Variants in IFT81 observed in about 807,000 individuals in gnomAD.
IFT81 encodes intraflagellar transport 81.
In IFT81, 72 loss-of-function variants were observed where a neutral mutation model predicts 102.6. That is an observed-to-expected ratio of 0.70 (90% CI 0.58 to 0.85). IFT81 has a LOEUF of 0.85. IFT81 is among the 40% of genes least tolerant of loss of function. IFT81 has a pLI of 0.00. For missense variants in IFT81, 723 were observed against 787.3 expected (o/e 0.92, Z 0.98); for synonymous variants, 237 against 242.7 (o/e 0.98, Z 0.22).
At chr12:110,162,521 G>C (rs551061082) in intron 10 of IFT81, 2 of 160,754 alleles carry the variant, frequency 1.2e-5, no homozygotes, top group South Asian at 3.4e-4. Context: ...ATTTCTAGTA[G>C]AGATGGGTTT....
intron 14 of IFT81, among the ~76,000 whole-genome samples, chr12:110,197,259 GATA>G (rs1898044383): frequency 7.0e-6 from 1 of 142,114 alleles, no homozygotes; most frequent in Non-Finnish European, 1.6e-5. Flanking sequence ...TAGATAGATA[GATA>G]GATAGATAGA....
intron 11 of IFT81, among the ~76,000 whole-genome samples, chr12:110,173,907 T>A (rs895601241): frequency 6.6e-6 from 1 of 151,182 alleles, no homozygotes; most frequent in Non-Finnish European, 1.5e-5. Context: ...CCTCCACTAT[T>A]GTCCTATGAC....
chr12:110,158,364 A>G (rs1341577692), intron 10 of IFT81, among the ~76,000 whole-genome samples: 1 of 152,142 alleles, frequency 6.6e-6, no homozygotes, highest in Admixed American at 6.5e-5. Flanking sequence ...TACAGGCATG[A>G]GCCACTGTGC....
At chr12:110,185,300 C>T (rs1207041121) in intron 12 of IFT81, among the ~76,000 whole-genome samples, 1 of 152,196 alleles carries the variant, frequency 6.6e-6, no homozygotes. Flanking sequence ...ATTCTCCCGC[C>T]TCAGCCTCCC....
Position 110,218,132 on chromosome 12 carries a change from T to G in IFT81, c.1937T>G (p.Met646Arg). The G allele has an allele frequency of 6.2e-7, 1 of 1,600,970 alleles. No homozygotes were observed. Among genetic ancestry groups the G allele is most frequent in the Non-Finnish European group, 8.5e-7 (1 of 1,176,562 alleles). ...ATGTGGCGTGATTTGGAACAATTAA[T>G]GGAATGTAAGAAACAGTGCTTTCTG... The part of the protein sequence containing the change: ...AKMWRDLEQL[M>R]ECKKQCFLKQ... Residue 646 changes from methionine to arginine, a missense_variant, in exon 19 of 19, where the codon ATG (methionine) becomes AGG (arginine). By Grantham distance (91) the Met-to-Arg change is moderately conservative. Coordinates refer to ENST00000242591, the MANE Select transcript of IFT81 (RefSeq NM_014055.4).
At chr12:110,182,971 A>G (rs1897370018) in intron 12 of IFT81, among the ~76,000 whole-genome samples, 1 of 152,208 alleles carries the variant, frequency 6.6e-6, no homozygotes, top group Admixed American at 6.5e-5. Flanking sequence ...TGTACACCCC[A>G]TCCTAAAGGT....
Position 110,212,736 on chromosome 12 carries a change from CT to C in IFT81, c.1848+3521del, listed in dbSNP as rs1869618762. On this transcript the variant is annotated intron_variant, in intron 18 of 18. Transcript: ENST00000242591. ...CCTGTAATCCCAGCTACTCAGGAGG[CT>C]GAGGCAGGAGAATTGCTTGAACCCA... Among the ~76,000 whole-genome samples, 4 of 152,056 alleles carry C rather than the reference CT, an allele frequency of 2.6e-5. No homozygotes were observed. The South Asian group carries it at 8.3e-4, about 32-fold the overall frequency.
Position 110,124,583 on chromosome 12 carries a change from C to T in IFT81, c.-300C>T, listed in dbSNP as rs988737676. On this transcript the variant is annotated 5_prime_UTR_variant, in exon 1 of 19. Coordinates refer to ENST00000242591, the MANE Select transcript of IFT81 (RefSeq NM_014055.4). ...AAGCCCCCGGATAGGGGAATCGGGC[C>T]CCTTCTGGGATTCGAGCGGATCCAG... The T allele has an allele frequency of 1.3e-5, 2 of 152,300 alleles. No homozygotes were observed. The highest frequency in any genetic ancestry group is 4.8e-5 in the African/African-American group (2 of 41,456). The allele number at this position is 152,300 out of a possible 1,614,324, so 9.4% of individuals were successfully genotyped here. A position where few individuals can be genotyped will look rare whatever the true frequency, so the allele number is the denominator to read the frequency against.
chr12:110,156,768 A>G (rs1354060804), intron 10 of IFT81, among the ~76,000 whole-genome samples: 2 of 152,152 alleles, frequency 1.3e-5, no homozygotes, highest in Non-Finnish European at 2.9e-5. Context: ...AAGTACCAAG[A>G]TTATAGGTGT....
intron 11 of IFT81, among the ~76,000 whole-genome samples, chr12:110,166,893 C>A (rs1167757249): frequency 6.6e-6 from 1 of 151,680 alleles, no homozygotes; most frequent in African/African-American, 2.4e-5. Flanking sequence ...CCTTGATTGT[C>A]GATATGTAGT....
chr12:110,178,993 T>C (rs1446197410), intron 11 of IFT81, among the ~76,000 whole-genome samples: 2 of 151,876 alleles, frequency 1.3e-5, no homozygotes, highest in Non-Finnish European at 2.9e-5. Context: ...ATGGGGTCTT[T>C]CCATTAGAGT....
At position 110,124,592 on chromosome 12, in the gene IFT81, G is replaced by A. The variant is rs898971616; in HGVS notation, c.-291G>A. 8 of 152,338 alleles carry A rather than the reference G, an allele frequency of 5.3e-5. No homozygotes were observed. Among genetic ancestry groups the A allele is most frequent in the Non-Finnish European group, 1.0e-4 (7 of 68,156 alleles). 9.4% of individuals were successfully genotyped at this position (152,338 alleles called of 1,614,324 possible). On this transcript the variant is annotated 5_prime_UTR_variant, in exon 1 of 19. Transcript: ENST00000242591. Reference sequence around the variant, plus strand: ...GATAGGGGAATCGGGCCCCTTCTGGGATTCGAGCGGATCCAGGCCGCTCCC... The same window carrying A: ...GATAGGGGAATCGGGCCCCTTCTGGAATTCGAGCGGATCCAGGCCGCTCCC...
intron 5 of IFT81, among the ~76,000 whole-genome samples, chr12:110,133,987 G>A (rs976321539): frequency 5.9e-5 from 9 of 152,100 alleles, no homozygotes; most frequent in African/African-American, 2.2e-4. Flanking sequence ...GGGCTAGAAG[G>A]GATGAACATT....
intron 8 of IFT81, among the ~76,000 whole-genome samples, chr12:110,141,900 A>C (rs1457631311): frequency 6.6e-6 from 1 of 152,138 alleles, no homozygotes; most frequent in Non-Finnish European, 1.5e-5. Flanking sequence ...AAAACAAAAA[A>C]CATTCAAGTC....
At chr12:110,215,224 A>G (rs1165726924) in intron 18 of IFT81, among the ~76,000 whole-genome samples, 1 of 151,642 alleles carries the variant, frequency 6.6e-6, no homozygotes, top group African/African-American at 2.4e-5. Context: ...TAAAAGAGGA[A>G]AGGATGAGGT....
chr12:110,149,376 T>C (rs902042158), intron 10 of IFT81, among the ~76,000 whole-genome samples: 1 of 151,952 alleles, frequency 6.6e-6, no homozygotes, highest in African/African-American at 2.4e-5. Flanking sequence ...CCCACAGCAG[T>C]GTCTAAGGGT....
chr12:110,129,922 G>T (rs1254360680), intron 4 of IFT81, among the ~76,000 whole-genome samples: 2 of 151,270 alleles, frequency 1.3e-5, no homozygotes, highest in African/African-American at 2.4e-5. Flanking sequence ...GTGCCAAATT[G>T]TTGTGAATAG....
At chr12:110,167,257 CATTTT>C (rs1896488082) in intron 11 of IFT81, among the ~76,000 whole-genome samples, 1 of 152,104 alleles carries the variant, frequency 6.6e-6, no homozygotes, top group Admixed American at 6.6e-5. Flanking sequence ...ATCATTTTAA[CATTTT>C]ATTTTCATAA....
At chr12:110,195,204 T>C (rs1027324115) in intron 14 of IFT81, among the ~76,000 whole-genome samples, 1 of 152,186 alleles carries the variant, frequency 6.6e-6, no homozygotes, top group Non-Finnish European at 1.5e-5. Flanking sequence ...CCCTCCTCAC[T>C]CATCCCCTGA....
Sources: allele counts gnomAD v4.1 joint callset (sites outside exome capture counted in the v4.1 genomes callset), GRCh38; gene constraint gnomAD v4.1.1; transcripts MANE v1.5; gene names NCBI Gene and HGNC (gene_info 2026-07-23, HGNC 2026-07-21).